The following ZC3H12B variants were observed in gnomAD, a reference collection of about 807,000 sequenced individuals.
ZC3H12B encodes the protein zinc finger CCCH-type containing 12B.
Under a neutral mutation model 43.9 loss-of-function variants are expected in ZC3H12B, and 7 were observed. The observed-to-expected ratio is 0.16, with a 90% confidence interval of 0.09 to 0.30. The LOEUF (loss-of-function observed/expected upper bound fraction) is 0.30. Among genes scored for constraint, ZC3H12B ranks in the 10% least tolerant of loss-of-function variants. The pLI is 1.00. For missense variants in ZC3H12B, 475 were observed against 670.2 expected (o/e 0.71, Z 3.22); for synonymous variants, 222 against 241.7 (o/e 0.92, Z 0.76).
In ZC3H12B at chrX:65,469,338, G is replaced by C. The variant is rs757291821; in HGVS notation, n.408-19308G>C. 2.1e-5 allele frequency: 8 copies of C among 384,076 alleles called. No individual in the cohort carries two copies. In the South Asian group the frequency reaches 3.2e-4, roughly 16 times the overall value. 31.7% of individuals were successfully genotyped at this position (384,076 alleles called of 1,213,427 possible). Reference sequence around the variant, plus strand: ...GGTCTTCATTGATGTTATAGAGTCTGCCAACCTGCTGGTCAATGCCAAAGG... The same window carrying C: ...GGTCTTCATTGATGTTATAGAGTCTCCCAACCTGCTGGTCAATGCCAAAGG... On this transcript the variant is annotated intron_variant and non_coding_transcript_variant, in intron 3 of 5. Transcript: ENST00000617377.
chrX:65,335,167 A>T, the ZC3H12B span, among the ~76,000 whole-genome samples: 32 of 112,258 alleles, frequency 2.9e-4, no homozygotes, highest in South Asian at 0.012. Context: ...ACAAAGCCTT[A>T]GATTTTGAGA....
intron 1 of ZC3H12B, among the ~76,000 whole-genome samples, chrX:65,368,101 C>T (rs748284575): frequency 1.3e-3 from 141 of 111,989 alleles, no homozygotes; most frequent in African/African-American, 4.3e-3. Flanking sequence ...ATTAGTGTAA[C>T]GATTAACATT....
At chrX:65,437,936 T>C (rs1394926935) in intron 3 of ZC3H12B, among the ~76,000 whole-genome samples, 1 of 112,385 alleles carries the variant, frequency 8.9e-6, no homozygotes, top group Non-Finnish European at 1.9e-5. Context: ...GATAAGAGTC[T>C]AGTTTCATTC....
At chrX:65,429,991 T>A (rs2067134534) in intron 3 of ZC3H12B, among the ~76,000 whole-genome samples, 2 of 112,081 alleles carry the variant, frequency 1.8e-5, no homozygotes, top group South Asian at 7.4e-4. Flanking sequence ...ATTGGCTGGC[T>A]GAAATTCCAA....
the ZC3H12B span, among the ~76,000 whole-genome samples, chrX:65,222,662 G>A: frequency 2.9e-5 from 3 of 104,691 alleles, no homozygotes; most frequent in Non-Finnish European, 3.9e-5. Flanking sequence ...AAACACTTAG[G>A]AAATTACATA....
chrX:65,456,023 A>G (rs2067603823), intron 3 of ZC3H12B, among the ~76,000 whole-genome samples: 1 of 112,149 alleles, frequency 8.9e-6, no homozygotes, highest in Non-Finnish European at 1.9e-5. Flanking sequence ...CTGCAAAAAC[A>G]TACCAAATTG....
At chrX:65,093,248 G>A in the ZC3H12B span, among the ~76,000 whole-genome samples, 2 of 112,292 alleles carry the variant, frequency 1.8e-5, no homozygotes, top group African/African-American at 6.5e-5. Flanking sequence ...CTAGGTGGAA[G>A]CCTGATGCAG....
At chrX:65,488,987 T>A (rs376001116) in exon 1 of ZC3H12B, 6 of 1,208,920 alleles carry the variant, frequency 5.0e-6, no homozygotes, top group Admixed American at 2.2e-5. Flanking sequence ...GCTGCCAACC[T>A]AGGGATGGTC....
chrX:65,387,427 G>T (rs1321686512), intron 2 of ZC3H12B, among the ~76,000 whole-genome samples: 1 of 111,258 alleles, frequency 9.0e-6, no homozygotes, highest in African/African-American at 3.3e-5. Context: ...ATCTTTGTTG[G>T]TTGAAGTCTG....
At chrX:65,057,692 C>A in the ZC3H12B span, among the ~76,000 whole-genome samples, 1 of 111,876 alleles carries the variant, frequency 8.9e-6, no homozygotes, top group African/African-American at 3.3e-5. Context: ...CAACTTGGTT[C>A]TATTCTCCCC....
At chrX:65,151,331 C>A in the ZC3H12B span, among the ~76,000 whole-genome samples, 6 of 111,974 alleles carry the variant, frequency 5.4e-5, no homozygotes, top group African/African-American at 1.6e-4. Flanking sequence ...CGGAAAATAT[C>A]TGTCACTCGA....
chrX:65,101,830 C>T, the ZC3H12B span, among the ~76,000 whole-genome samples: 1 of 112,199 alleles, frequency 8.9e-6, no homozygotes, highest in Admixed American at 9.4e-5. Flanking sequence ...GCCATTCCTT[C>T]TGATACTATT....
chrX:65,179,999 T>C, the ZC3H12B span, among the ~76,000 whole-genome samples: 2 of 112,004 alleles, frequency 1.8e-5, no homozygotes, highest in Non-Finnish European at 3.8e-5. Context: ...CCCTAACTTA[T>C]TTTATGAGGC....
exon 5 of ZC3H12B, chrX:65,505,977 C>CT (rs768694444): frequency 8.9e-6 from 1 of 112,252 alleles, no homozygotes; most frequent in African/African-American, 3.2e-5. Flanking sequence ...AATTGTATCT[C>CT]TTTTTTTCCT....
chrX:65,058,265 G>A, the ZC3H12B span, among the ~76,000 whole-genome samples: 1 of 111,735 alleles, frequency 8.9e-6, no homozygotes, highest in South Asian at 3.7e-4. Context: ...GTTTTGGTGT[G>A]GATGTCCTTT....
chrX:65,051,250 T>C, the ZC3H12B span, among the ~76,000 whole-genome samples: 1 of 111,769 alleles, frequency 8.9e-6, no homozygotes, highest in East Asian at 2.8e-4. Flanking sequence ...TTTCTTATGC[T>C]AGCTAAAGAT....
chrX:65,300,987 A>G, the ZC3H12B span, among the ~76,000 whole-genome samples: 1 of 92,467 alleles, frequency 1.1e-5, no homozygotes, highest in East Asian at 3.0e-4. Context: ...AATCAGCAAG[A>G]AAAAAAAAAA....
chrX:65,240,418 A>G, the ZC3H12B span, among the ~76,000 whole-genome samples: 1 of 112,080 alleles, frequency 8.9e-6, no homozygotes, highest in Admixed American at 9.5e-5. Flanking sequence ...AGGCTCCATC[A>G]GGTCTTTTAT....
intron 2 of ZC3H12B, among the ~76,000 whole-genome samples, chrX:65,388,148 T>C (rs981875689): frequency 1.8e-5 from 2 of 111,520 alleles, no homozygotes; most frequent in Admixed American, 9.6e-5. Context: ...GGAGTATCTT[T>C]GTGGCATTCT....
Sources: allele counts gnomAD v4.1 joint callset (sites outside exome capture counted in the v4.1 genomes callset), GRCh38; gene constraint gnomAD v4.1.1; transcripts MANE v1.5; gene names NCBI Gene and HGNC (gene_info 2026-07-23, HGNC 2026-07-21).